Variants in EIF2S1 observed in about 807,000 individuals in gnomAD.
EIF2S1 encodes eukaryotic translation initiation factor 2 subunit 1.
EIF2S1 carries 5 observed loss-of-function variants against 33.5 expected under a neutral mutation model. The observed-to-expected ratio is 0.15, with a 90% CI of 0.08 to 0.31. The LOEUF (loss-of-function observed/expected upper bound fraction) is 0.31, where lower values mean the gene tolerates loss of function less well. Ranked by LOEUF, EIF2S1 falls within the 10% of genes least tolerant of loss-of-function variation. The pLI is 1.00. For missense variants in EIF2S1, 191 were observed against 384.6 expected, an observed-to-expected ratio of 0.50 and a Z score of 4.21; for synonymous variants, 99 against 127.5, an observed-to-expected ratio of 0.78 and a Z score of 1.51.
At chr14:67,380,881 T>C in intron 5 of EIF2S1, 116 bp downstream of exon 5, 1 of 498,796 alleles carries the variant, frequency 2.0e-6, no homozygotes, top group Non-Finnish European at 3.4e-6. Context: ...TTTTTCTAAA[T>C]GGTTGTTTTT....
intron 2 of EIF2S1, 143 bp from the exon 3 acceptor site, chr14:67,374,325 T>A: frequency 2.1e-6 from 1 of 467,276 alleles, no homozygotes; most frequent in Non-Finnish European, 3.9e-6. Flanking sequence ...CTTGTAATAC[T>A]TATGCAGTAT....
At position 67,384,324 on chromosome 14, in the gene EIF2S1, G is replaced by T. The variant is rs552942330; in HGVS notation, c.*884G>T. ...CCACTAGATGCCACCTAGAGCTCCA[G>T]TTCTTTATAACAAAACAGGGATCTG... On this transcript the variant is annotated 3_prime_UTR_variant, in exon 8 of 8. Transcript: ENST00000256383. 6.7e-6 allele frequency: 1 copy of T among 148,480 alleles called. No homozygotes were observed. Among genetic ancestry groups the T allele is most frequent in the South Asian group, 2.1e-4 (1 of 4,704 alleles). The allele number at this position is 148,480 out of a possible 1,614,324, so 9.2% of individuals were successfully genotyped here.
chr14:67,365,054 G>A, intron 2 of EIF2S1, 46 bp downstream of exon 2: 3 of 1,500,894 alleles, frequency 2.0e-6, no homozygotes, highest in Non-Finnish European at 2.7e-6. Context: ...ATTTAAAATG[G>A]TTTATTTAAA....
chr14:67,383,553 T>C lies in EIF2S1; in HGVS notation c.*113T>C. ...AAACTTCAAAGCTGAATATTTTTTA[T>C]TTCTAAGTATTTAAATGTTCTAACA... On this transcript the variant is annotated 3_prime_UTR_variant, in exon 8 of 8. Coordinates refer to ENST00000256383, the MANE Select transcript of EIF2S1 (RefSeq NM_004094.5). The C allele has an allele frequency of 7.0e-7, 1 of 1,429,340 alleles. No individual in the cohort carries two copies. Among genetic ancestry groups the C allele is most frequent in the Non-Finnish European group, 9.5e-7 (1 of 1,049,072 alleles). The allele number at this position is 1,429,340 out of a possible 1,614,324, so 88.5% of individuals were successfully genotyped here. A position where few individuals can be genotyped will look rare whatever the true frequency, so the allele number is the denominator to read the frequency against.
In EIF2S1 at chr14:67,383,627, A is replaced by G; in HGVS notation, c.*187A>G. On this transcript the variant is annotated 3_prime_UTR_variant, in exon 8 of 8. Coordinates refer to ENST00000256383, the MANE Select transcript of EIF2S1 (RefSeq NM_004094.5). ...TAAATGTCAGCTGTTGTCACACAGTAGCTCCAACACTTTGAGCATTTTTAA... is the reference window on the plus strand; with the variant it reads ...TAAATGTCAGCTGTTGTCACACAGTGGCTCCAACACTTTGAGCATTTTTAA... The G allele has an allele frequency of 2.8e-6, 2 of 724,112 alleles. No homozygotes were observed. The highest frequency in any genetic ancestry group is 4.4e-6 in the Non-Finnish European group (2 of 451,440). 44.9% of individuals were successfully genotyped at this position (724,112 alleles called of 1,614,324 possible).
At chr14:67,363,362 CATT>C (rs1398362468) in intron 1 of EIF2S1, among the ~76,000 whole-genome samples, 1 of 152,062 alleles carries the variant, frequency 6.6e-6, no homozygotes, top group East Asian at 1.9e-4. Context: ...CTGCTACTGT[CATT>C]AATATGCTGC....
At chr14:67,366,552 G>C (rs2085780319) in intron 2 of EIF2S1, among the ~76,000 whole-genome samples, 1 of 152,166 alleles carries the variant, frequency 6.6e-6, no homozygotes, top group Non-Finnish European at 1.5e-5. Context: ...ATGGGGACTG[G>C]TTAAATAAAT....
intron 3 of EIF2S1, among the ~76,000 whole-genome samples, chr14:67,374,813 A>G (rs540551180): frequency 6.6e-6 from 1 of 152,280 alleles, no homozygotes; most frequent in African/African-American, 2.4e-5. Flanking sequence ...TATTTTGTCC[A>G]GGTTGGTCTC....
At chr14:67,371,463 AC>A (rs1440167420) in intron 2 of EIF2S1, among the ~76,000 whole-genome samples, 1 of 152,172 alleles carries the variant, frequency 6.6e-6, no homozygotes, top group Non-Finnish European at 1.5e-5. Flanking sequence ...CTTTCGAAAT[AC>A]AGTCATGTGG....
In EIF2S1 at chr14:67,380,718, A is replaced by G. The variant is rs1454167513; in HGVS notation, c.533A>G (p.Asn178Ser). Reference protein sequence around the residue: ...LNEDEREVLINNINRRLTPQA... With the variant: ...LNEDEREVLISNINRRLTPQA... ...GAAGATGAACGGGAAGTACTCATTA[A>G]TAATATTAATAGGCGCTTGACCCCA... The change falls in exon 5 of 8, where the codon AAT becomes AGT. Residue 178 changes from asparagine (N) to serine (S), a missense_variant. Transcript: ENST00000256383. 3 of 1,586,268 alleles carry G rather than the reference A, an allele frequency of 1.9e-6. No homozygotes were observed. The highest frequency in any genetic ancestry group is 2.6e-6 in the Non-Finnish European group (3 of 1,168,984).
chr14:67,365,900 A>T (rs1380829159), intron 2 of EIF2S1, among the ~76,000 whole-genome samples: 3 of 152,056 alleles, frequency 2.0e-5, no homozygotes, highest in Non-Finnish European at 4.4e-5. Context: ...ATAGATTTTG[A>T]GGATGTCTTA....
chr14:67,380,323 A>C (rs8007033), intron 4 of EIF2S1, among the ~76,000 whole-genome samples: 22,734 of 151,058 alleles, frequency 0.15, 3,194 homozygotes, highest in East Asian at 0.42. Flanking sequence ...AAGTTTTTCC[A>C]TGTTTTTTTT....
At chr14:67,363,263 G>T (rs1301150534) in intron 1 of EIF2S1, among the ~76,000 whole-genome samples, 1 of 151,716 alleles carries the variant, frequency 6.6e-6, no homozygotes, top group Non-Finnish European at 1.5e-5. Flanking sequence ...CTGTTTCTTG[G>T]TGGGTAAGGC....
Position 67,384,995 on chromosome 14 carries a change from C to T in EIF2S1, c.*1555C>T, listed in dbSNP as rs931852146. The T allele has an allele frequency of 1.3e-5, 2 of 152,130 alleles. No homozygotes were observed. Among genetic ancestry groups the T allele is most frequent in the African/African-American group, 4.8e-5 (2 of 41,418 alleles). 9.4% of individuals were successfully genotyped at this position (152,130 alleles called of 1,614,324 possible). A position where few individuals can be genotyped will look rare whatever the true frequency, so the allele number is the denominator to read the frequency against. On this transcript the variant is annotated 3_prime_UTR_variant, in exon 8 of 8. Transcript: ENST00000256383. ...GAATTTTTTCTTTTGATTTTGTTTA[C>T]TGAAATTTGTTATACTTCAAAAGCC...
chr14:67,369,779 C>G (rs777343635), intron 2 of EIF2S1, among the ~76,000 whole-genome samples: 14 of 152,106 alleles, frequency 9.2e-5, no homozygotes, highest in Non-Finnish European at 2.1e-4. Flanking sequence ...GAATAAAGAT[C>G]TAAAACAGTT....
intron 4 of EIF2S1, among the ~76,000 whole-genome samples, chr14:67,377,581 G>C (rs1481051072): frequency 6.6e-6 from 1 of 152,118 alleles, no homozygotes; most frequent in Non-Finnish European, 1.5e-5. Context: ...TTCCTATGCT[G>C]CTGTCACTGG....
chr14:67,360,491 C>G, intron 1 of EIF2S1, 35 bp downstream of exon 1: 1 of 338,270 alleles, frequency 3.0e-6, no homozygotes, highest in Non-Finnish European at 5.3e-6. Context: ...TCCAGGAACT[C>G]ACTTTGGTTT....
chr14:67,362,151 G>C (rs1385740612), intron 1 of EIF2S1, among the ~76,000 whole-genome samples: 1 of 151,648 alleles, frequency 6.6e-6, no homozygotes, highest in African/African-American at 2.4e-5. Context: ...CACTATAGTA[G>C]TGGGATTACA....
At chr14:67,381,823 A>G in intron 6 of EIF2S1, 133 bp downstream of exon 6, 1 of 585,548 alleles carries the variant, frequency 1.7e-6, no homozygotes, top group Non-Finnish European at 3.0e-6. Flanking sequence ...AAAATTGAGC[A>G]GTGGTTCTTG....
Sources: gnomAD v4.1 joint callset for allele counts (sites outside exome capture counted in the v4.1 genomes callset) on GRCh38, gnomAD v4.1.1 for gene constraint, MANE v1.5 for transcripts, NCBI Gene and HGNC (gene_info 2026-07-23, HGNC 2026-07-21) for gene names.